The following IGF1R variants were observed in gnomAD, a reference collection of about 807,000 sequenced individuals.
IGF1R encodes insulin like growth factor 1 receptor.
A neutral mutation model predicts 144.6 loss-of-function variants in IGF1R; 44 were observed. That is an observed-to-expected ratio of 0.30 (90% confidence interval 0.24 to 0.39). IGF1R has a LOEUF of 0.39. Among genes scored for constraint, IGF1R ranks in the 10% least tolerant of loss-of-function variants. IGF1R has a pLI of 1.00. For synonymous variants in IGF1R, 795 were observed against 722.8 expected, an observed-to-expected ratio of 1.10 and a Z score of -1.60; for missense variants, 1,355 against 1,833.7, an observed-to-expected ratio of 0.74 and a Z score of 4.77.
At chr15:98,875,122 C>T (rs1258049726) in intron 2 of IGF1R, among the ~76,000 whole-genome samples, 2 of 150,176 alleles carry the variant, frequency 1.3e-5, no homozygotes, top group East Asian at 1.9e-4. Context: ...AGGTCCTCGG[C>T]TCCGGGACGA....
chr15:98,825,045 C>T lies in IGF1R; in HGVS notation c.641-66280C>T, dbSNP rs148410885. 1.5e-4 allele frequency among the ~76,000 whole-genome samples: 23 copies of T among 152,198 alleles called. No individual in the cohort carries two copies. In the East Asian group the frequency reaches 3.7e-3, roughly 24 times the overall value. On this transcript the variant is annotated intron_variant, in intron 2 of 20. Transcript: ENST00000650285. ...AGAATCGGAGTTTCACCATGTTGGCCAGGAGGTCAGGTCGAACTCCTGACC... is the reference window on the plus strand; with the variant it reads ...AGAATCGGAGTTTCACCATGTTGGCTAGGAGGTCAGGTCGAACTCCTGACC...
At chr15:98,712,071 A>G (rs564440061) in intron 2 of IGF1R, among the ~76,000 whole-genome samples, 5 of 152,294 alleles carry the variant, frequency 3.3e-5, no homozygotes, top group African/African-American at 7.2e-5. Context: ...AGGTTTCAAC[A>G]TAAGAATTTT....
intron 10 of IGF1R, 167 bp downstream of exon 10, chr15:98,917,043 C>T (rs1349093384): frequency 1.3e-5 from 9 of 706,514 alleles, no homozygotes; most frequent in Admixed American, 2.0e-5. Context: ...TGAGTCCCTG[C>T]GGAAGCCAGT....
At chr15:98,921,374 T>C (rs2015478630) in intron 10 of IGF1R, among the ~76,000 whole-genome samples, 1 of 152,216 alleles carries the variant, frequency 6.6e-6, no homozygotes, top group Non-Finnish European at 1.5e-5. Flanking sequence ...AATGTCCTTT[T>C]TGTGATGACT....
At chr15:98,815,703 T>G (rs11853225) in intron 2 of IGF1R, among the ~76,000 whole-genome samples, 1 of 152,138 alleles carries the variant, frequency 6.6e-6, no homozygotes, top group Non-Finnish European at 1.5e-5. Context: ...TGTGACTCTG[T>G]GTGTTGGAGT....
chr15:98,876,502 A>C (rs1366790698), intron 2 of IGF1R, among the ~76,000 whole-genome samples: 1 of 152,182 alleles, frequency 6.6e-6, no homozygotes, highest in Non-Finnish European at 1.5e-5. Flanking sequence ...GTATACTTGT[A>C]TCAAGTGCAC....
At chr15:98,780,901 G>T (rs1394849226) in intron 2 of IGF1R, among the ~76,000 whole-genome samples, 1 of 152,188 alleles carries the variant, frequency 6.6e-6, no homozygotes, top group Admixed American at 6.5e-5. Flanking sequence ...ACTGAACAAT[G>T]TAGAAAAGAA....
intron 2 of IGF1R, among the ~76,000 whole-genome samples, chr15:98,763,880 A>C (rs8037855): frequency 0.21 from 31,320 of 152,130 alleles, 3,727 homozygotes; most frequent in African/African-American, 0.31. Flanking sequence ...GCGTGACCTC[A>C]TTAGCATGTA....
chr15:98,939,752 C>T (rs1567212266), intron 18 of IGF1R, among the ~76,000 whole-genome samples: 1 of 152,204 alleles, frequency 6.6e-6, no homozygotes, highest in Non-Finnish European at 1.5e-5. Flanking sequence ...TTTTAAGGAG[C>T]ATTGCTCCCC....
At chr15:98,814,652 T>G (rs535505395) in intron 2 of IGF1R, among the ~76,000 whole-genome samples, 1 of 152,226 alleles carries the variant, frequency 6.6e-6, no homozygotes, top group Non-Finnish European at 1.5e-5. Context: ...CCAGCCTGTT[T>G]ATATGGTTTT....
intron 2 of IGF1R, among the ~76,000 whole-genome samples, chr15:98,854,369 A>T (rs562538203): frequency 6.6e-6 from 1 of 152,200 alleles, no homozygotes; most frequent in Non-Finnish European, 1.5e-5. Context: ...AGTGATGTCT[A>T]TGCGAGGTTG....
chr15:98,856,673 A>C (rs916026715), intron 2 of IGF1R, among the ~76,000 whole-genome samples: 89 of 152,378 alleles, frequency 5.8e-4, no homozygotes, highest in African/African-American at 2.0e-3. Flanking sequence ...ACCAGGCTCT[A>C]AAAGGATGTT....
chr15:98,841,205 G>C (rs1488654173), intron 2 of IGF1R, among the ~76,000 whole-genome samples: 1 of 152,176 alleles, frequency 6.6e-6, no homozygotes, highest in Admixed American at 6.5e-5. Context: ...CAGTAAAATG[G>C]AGCCCTGTAC....
At chr15:98,941,416 T>C (rs1277652778) in intron 18 of IGF1R, among the ~76,000 whole-genome samples, 1 of 152,238 alleles carries the variant, frequency 6.6e-6, no homozygotes, top group Non-Finnish European at 1.5e-5. Flanking sequence ...TCATGTTTGC[T>C]GTTCAACCAT....
chr15:98,943,348 CT>C (rs1230291488), intron 19 of IGF1R, among the ~76,000 whole-genome samples: 1 of 152,220 alleles, frequency 6.6e-6, no homozygotes, highest in Non-Finnish European at 1.5e-5. Flanking sequence ...GCCGTCACCT[CT>C]TTTTGTTTCT....
At chr15:98,820,280 A>G (rs1352450905) in intron 2 of IGF1R, among the ~76,000 whole-genome samples, 5 of 152,204 alleles carry the variant, frequency 3.3e-5, no homozygotes, top group Non-Finnish European at 7.3e-5. Context: ...TTCATATCCT[A>G]CAAATATGTT....
At chr15:98,838,969 A>G (rs1455489909) in intron 2 of IGF1R, among the ~76,000 whole-genome samples, 1 of 152,220 alleles carries the variant, frequency 6.6e-6, no homozygotes, top group Non-Finnish European at 1.5e-5. Flanking sequence ...GGCTCCTGCC[A>G]AGGCCACCAA....
Position 98,649,376 on chromosome 15 carries a change from G to A in IGF1R, c.-206G>A. ...CCGCTGCTGCCGGCGCTGAGGGGCCGCCCCGCGCCGCCCGCCCCGTCCGCG... is the reference window on the plus strand; with the variant it reads ...CCGCTGCTGCCGGCGCTGAGGGGCCACCCCGCGCCGCCCGCCCCGTCCGCG... On this transcript the variant is annotated 5_prime_UTR_variant, in exon 1 of 21. Transcript: ENST00000650285. 3.6e-6 allele frequency: 1 copy of A among 277,038 alleles called. No homozygotes were observed. 17.2% of individuals were successfully genotyped at this position (277,038 alleles called of 1,614,324 possible). A position where few individuals can be genotyped will look rare whatever the true frequency, so the allele number is the denominator to read the frequency against.
intron 2 of IGF1R, among the ~76,000 whole-genome samples, chr15:98,838,157 T>C (rs1390863773): frequency 6.6e-6 from 1 of 152,226 alleles, no homozygotes; most frequent in Non-Finnish European, 1.5e-5. Flanking sequence ...AGCTTTTTTA[T>C]TTTCTTCCAT....
Sources: allele counts gnomAD v4.1 joint callset (sites outside exome capture counted in the v4.1 genomes callset), GRCh38; gene constraint gnomAD v4.1.1; transcripts MANE v1.5; gene names NCBI Gene and HGNC (gene_info 2026-07-23, HGNC 2026-07-21).